The following CPEB3 variants were observed in gnomAD, a reference collection of about 807,000 sequenced individuals.
CPEB3 encodes cytoplasmic polyadenylation element-binding protein 3.
In CPEB3, 20 loss-of-function variants were observed where a neutral mutation model predicts 67.2. That is an observed-to-expected ratio of 0.30 (90% CI 0.21 to 0.43). The LOEUF (loss-of-function observed/expected upper bound fraction) is 0.43. Among genes scored for constraint, CPEB3 ranks in the 20% least tolerant of loss-of-function variants. The pLI is 1.00. For missense variants in CPEB3, 746 were observed against 968.6 expected (o/e 0.77, Z 3.05); for synonymous variants, 376 against 393.1 (o/e 0.96, Z 0.51).
At chr10:92,106,835 A>G (rs1356169064) in intron 7 of CPEB3, among the ~76,000 whole-genome samples, 1 of 150,474 alleles carries the variant, frequency 6.6e-6, no homozygotes, top group Non-Finnish European at 1.5e-5. Flanking sequence ...AAAAAAAAAA[A>G]AAAAAGAAAG....
At chr10:92,138,484 T>G (rs989517487) in intron 6 of CPEB3, 6 of 144,442 alleles carry the variant, frequency 4.2e-5, no homozygotes, top group African/African-American at 1.1e-4. Context: ...ATTTTTTTCC[T>G]TGAATAAACG....
chr10:92,252,178 T>C (rs954400803), intron 1 of CPEB3, among the ~76,000 whole-genome samples: 1 of 151,284 alleles, frequency 6.6e-6, no homozygotes, highest in East Asian at 1.9e-4. Flanking sequence ...AAAAAGCATA[T>C]GAAAAGGTGC....
intron 1 of CPEB3, among the ~76,000 whole-genome samples, chr10:92,252,042 C>A (rs10882040): frequency 0.42 from 63,062 of 151,200 alleles, 13,759 homozygotes; most frequent in Middle Eastern, 0.58. Context: ...CTCTCTCTCT[C>A]TATATATATT....
intron 1 of CPEB3, among the ~76,000 whole-genome samples, chr10:92,271,448 T>C (rs1345449118): frequency 6.6e-6 from 1 of 152,218 alleles, no homozygotes; most frequent in East Asian, 1.9e-4. Context: ...CAAGTCTCTG[T>C]AGTCTCTTTT....
At chr10:92,104,497 C>T (rs986551378) in intron 7 of CPEB3, among the ~76,000 whole-genome samples, 1 of 151,666 alleles carries the variant, frequency 6.6e-6, no homozygotes, top group East Asian at 1.9e-4. Flanking sequence ...CACCATTCTC[C>T]TGCCTCAGCC....
chr10:92,268,851 G>C (rs979273093), intron 1 of CPEB3, among the ~76,000 whole-genome samples: 2 of 152,122 alleles, frequency 1.3e-5, no homozygotes, highest in Non-Finnish European at 2.9e-5. Context: ...AGTTTCATAG[G>C]TTGAGTTCCT....
In CPEB3 at chr10:92,098,160, TAAAAAAAAA is replaced by T. The variant is rs1166249584; in HGVS notation, c.1573-6225_1573-6217del. Among the ~76,000 whole-genome samples the T allele has an allele frequency of 8.9e-4, 32 of 36,124 alleles. 1 individual carries two copies. Among genetic ancestry groups the T allele is most frequent in the African/African-American group, 2.5e-3 (22 of 8,746 alleles). The allele number at this position is 36,124 out of a possible 152,430, so 23.7% of individuals were successfully genotyped here. ...TGGGCAACAAGAGTGACACTCTGCC[TAAAAAAAAA>T]AAAAAAAAAAAAAAAAAAAAAAAAA... On this transcript the variant is annotated intron_variant, in intron 7 of 9. Transcript: ENST00000265997.
rs12217830 is a variant in CPEB3, at chr10:92,178,249, C to G, written c.1222+2714G>C. On this transcript the variant is annotated intron_variant, in intron 4 of 9. Coordinates refer to ENST00000265997, the MANE Select transcript of CPEB3 (RefSeq NM_014912.5). ...TCTCGGCTCACTGCAACCTCTGCCT[C>G]CTGGGTTCAGGCGATTCTCCTGCCT... Among the ~76,000 whole-genome samples the G allele has an allele frequency of 5.9e-5, 9 of 151,732 alleles. No individual in the cohort carries two copies. In the East Asian group the frequency reaches 1.7e-3, roughly 29 times the overall value.
intron 7 of CPEB3, among the ~76,000 whole-genome samples, chr10:92,096,127 G>A (rs551828038): frequency 2.6e-5 from 4 of 151,106 alleles, no homozygotes; most frequent in East Asian, 2.0e-4. Flanking sequence ...TACCTGCCTC[G>A]GCCTCCCAAA....
chr10:92,182,338 G>A (rs1290745867), intron 3 of CPEB3, among the ~76,000 whole-genome samples: 1 of 152,186 alleles, frequency 6.6e-6, no homozygotes, highest in African/African-American at 2.4e-5. Context: ...ACAGGGGACT[G>A]GAGGCAAATA....
chr10:92,110,234 C>G (rs1470891814), intron 7 of CPEB3, among the ~76,000 whole-genome samples: 1 of 152,176 alleles, frequency 6.6e-6, no homozygotes, highest in East Asian at 1.9e-4. Flanking sequence ...CATACAAAGG[C>G]CGCTGCAGGC....
chr10:92,140,201 T>C (rs1846333659), intron 6 of CPEB3, among the ~76,000 whole-genome samples: 2 of 152,106 alleles, frequency 1.3e-5, no homozygotes, highest in African/African-American at 4.8e-5. Context: ...AGAACAAAGC[T>C]GGAGGCATCA....
intron 6 of CPEB3, among the ~76,000 whole-genome samples, chr10:92,142,735 C>T (rs1846495306): frequency 6.6e-6 from 1 of 152,162 alleles, no homozygotes; most frequent in African/African-American, 2.4e-5. Flanking sequence ...TGACATTCCT[C>T]AAAACCCTAG....
At chr10:92,268,125 T>C (rs1427522444) in intron 1 of CPEB3, among the ~76,000 whole-genome samples, 1 of 152,106 alleles carries the variant, frequency 6.6e-6, no homozygotes, top group Non-Finnish European at 1.5e-5. Flanking sequence ...ACCTATAAAT[T>C]TTATTAAGTT....
At chr10:92,289,732 A>AAAAAAAAAT in intron 1 of CPEB3, among the ~76,000 whole-genome samples, 2,802 of 75,494 alleles carry the variant, frequency 0.037, 233 homozygotes, top group Non-Finnish European at 0.058. Context: ...AAAAAAAAAA[A>AAAAAAAAAT]ATATATATAT....
chr10:92,134,164 C>T (rs1384008955), intron 6 of CPEB3, among the ~76,000 whole-genome samples: 1 of 152,090 alleles, frequency 6.6e-6, no homozygotes, highest in Non-Finnish European at 1.5e-5. Flanking sequence ...AAGTTCTGGC[C>T]AGGGCAATCA....
intron 1 of CPEB3, among the ~76,000 whole-genome samples, chr10:92,279,160 T>C (rs1477512105): frequency 6.6e-6 from 1 of 152,196 alleles, no homozygotes; most frequent in Non-Finnish European, 1.5e-5. Context: ...TCAGGCAAGA[T>C]GTTGGCTACA....
chr10:92,242,863 T>A (rs1349693792), intron 1 of CPEB3, among the ~76,000 whole-genome samples: 2 of 152,334 alleles, frequency 1.3e-5, no homozygotes, highest in East Asian at 3.9e-4. Flanking sequence ...CTGCATAAAT[T>A]CACTCTGTCA....
intron 1 of CPEB3, among the ~76,000 whole-genome samples, chr10:92,245,200 T>G (rs1311832352): frequency 1.4e-5 from 2 of 144,320 alleles, no homozygotes; most frequent in Non-Finnish European, 3.0e-5. Flanking sequence ...TGCAGTGGTG[T>G]GATCTCGGCT....
Sources: gnomAD v4.1 joint callset for allele counts (sites outside exome capture counted in the v4.1 genomes callset) on GRCh38, gnomAD v4.1.1 for gene constraint, MANE v1.5 for transcripts, NCBI Gene and HGNC (gene_info 2026-07-23, HGNC 2026-07-21) for gene names.